The following NBEA variants were observed in gnomAD, a reference collection of about 807,000 sequenced individuals.
NBEA encodes the protein neurobeachin, also known as lysosomal-trafficking regulator 2.
A neutral mutation model predicts 343.4 loss-of-function variants in NBEA; 44 were observed. The observed-to-expected ratio is 0.13, with a 90% CI of 0.10 to 0.16. The LOEUF (loss-of-function observed/expected upper bound fraction) is 0.16. Among genes scored for constraint, NBEA ranks in the 10% least tolerant of loss-of-function variants. The pLI is 1.00. For synonymous variants in NBEA, 1,175 were observed against 1,238.7 expected (o/e 0.95, Z 1.08); for missense variants, 2,555 against 3,631.3 (o/e 0.70, Z 7.62).
chr13:35,500,730 T>G (rs2076856429), intron 41 of NBEA, among the ~76,000 whole-genome samples: 1 of 125,848 alleles, frequency 7.9e-6, no homozygotes, highest in Non-Finnish European at 1.7e-5. Context: ...TTTTTTTTTT[T>G]GAAAACATAA....
At chr13:35,170,867 G>A (rs1196523892) in intron 25 of NBEA, among the ~76,000 whole-genome samples, 3 of 151,642 alleles carry the variant, frequency 2.0e-5, no homozygotes, top group Non-Finnish European at 4.4e-5. Flanking sequence ...AAAAATCAAA[G>A]CATATATTTT....
chr13:35,479,914 G>GA (rs905835784), intron 41 of NBEA, among the ~76,000 whole-genome samples: 1 of 151,586 alleles, frequency 6.6e-6, no homozygotes, highest in Non-Finnish European at 1.5e-5. Context: ...CTAATTGAAG[G>GA]AAAAAAATCT....
At position 35,671,199 on chromosome 13, in the gene NBEA, A is replaced by G; in HGVS notation, c.*208A>G. ...ACACCAGCTGCTATCAAGCAAGCTT[A>G]TATCATGTAAATTATATGAATTAGG... On this transcript the variant is annotated 3_prime_UTR_variant, in exon 59 of 59. Coordinates refer to ENST00000379939, the MANE Select transcript of NBEA (RefSeq NM_001385012.1). The G allele has an allele frequency of 4.1e-6, 2 of 489,962 alleles. No homozygotes were observed. The highest frequency in any genetic ancestry group is 3.7e-6 in the Non-Finnish European group (1 of 271,972). 30.4% of individuals were successfully genotyped at this position (489,962 alleles called of 1,614,324 possible).
chr13:35,384,494 C>T (rs1402722682), intron 38 of NBEA, among the ~76,000 whole-genome samples: 6 of 151,664 alleles, frequency 4.0e-5, no homozygotes, highest in Admixed American at 2.0e-4. Flanking sequence ...AAAATGCATC[C>T]CATCAGCATC....
chr13:35,419,277 T>C (rs949151330), intron 38 of NBEA, among the ~76,000 whole-genome samples: 17 of 151,978 alleles, frequency 1.1e-4, no homozygotes, highest in Non-Finnish European at 2.2e-4. Flanking sequence ...GATTTGGTGT[T>C]TCGTGAGGGC....
At chr13:35,154,927 A>G (rs2069054008) in intron 18 of NBEA, among the ~76,000 whole-genome samples, 1 of 151,196 alleles carries the variant, frequency 6.6e-6, no homozygotes, top group South Asian at 2.1e-4. Context: ...GGAGTTCAAG[A>G]TGAGCCTGGG....
At chr13:34,965,148 T>C (rs1175510601) in intron 1 of NBEA, among the ~76,000 whole-genome samples, 1 of 152,044 alleles carries the variant, frequency 6.6e-6, no homozygotes, top group Non-Finnish European at 1.5e-5. Context: ...TAAACATACT[T>C]GTATTTCTAG....
chr13:35,239,712 A>G (rs193071968), intron 34 of NBEA, among the ~76,000 whole-genome samples: 2 of 152,110 alleles, frequency 1.3e-5, no homozygotes, highest in African/African-American at 4.8e-5. Context: ...TGTATACTAT[A>G]CTAGTAGCCC....
chr13:35,306,769 T>C (rs2036919709), intron 35 of NBEA, among the ~76,000 whole-genome samples: 1 of 152,130 alleles, frequency 6.6e-6, no homozygotes, highest in Admixed American at 6.6e-5. Context: ...TATAATATTC[T>C]GCTTCTGTTC....
At chr13:35,528,331 C>T (rs577600306) in intron 41 of NBEA, among the ~76,000 whole-genome samples, 72 of 152,260 alleles carry the variant, frequency 4.7e-4, no homozygotes, top group Non-Finnish European at 9.4e-4. Flanking sequence ...ATAAAGAAGA[C>T]ATTCGTTTAA....
At chr13:35,574,912 G>C (rs146377996) in intron 45 of NBEA, among the ~76,000 whole-genome samples, 2 of 152,036 alleles carry the variant, frequency 1.3e-5, no homozygotes, top group Non-Finnish European at 2.9e-5. Context: ...ACCACGCCTG[G>C]CTAATTTTTG....
At chr13:35,655,878 A>T (rs2153082140) in intron 55 of NBEA, 129 bp downstream of exon 55, 2 of 749,984 alleles carry the variant, frequency 2.7e-6, no homozygotes. Context: ...AAGTGGCCAA[A>T]ATCTGTACTG....
intron 38 of NBEA, among the ~76,000 whole-genome samples, chr13:35,358,195 T>A (rs554030896): frequency 6.6e-6 from 1 of 151,758 alleles, no homozygotes; most frequent in African/African-American, 2.4e-5. Flanking sequence ...CTAATTTTTT[T>A]ATATTTTTGG....
chr13:35,037,151 C>A (rs1328370139), intron 1 of NBEA, among the ~76,000 whole-genome samples: 1 of 152,146 alleles, frequency 6.6e-6, no homozygotes, highest in Non-Finnish European at 1.5e-5. Flanking sequence ...TTAATTCTTT[C>A]CTCTGGTTGT....
At chr13:35,232,442 C>A in intron 33 of NBEA, 50 bp from the exon 34 acceptor site, 1 of 1,195,196 alleles carries the variant, frequency 8.4e-7, no homozygotes, top group Non-Finnish European at 1.2e-6. Context: ...GTTTATTTGA[C>A]ATTTTATATT....
chr13:35,235,770 TGA>T (rs748648024), intron 34 of NBEA, among the ~76,000 whole-genome samples: 4 of 152,206 alleles, frequency 2.6e-5, no homozygotes, highest in Non-Finnish European at 5.9e-5. Flanking sequence ...ATTGAGTAAT[TGA>T]GAGTTATTTT....
chr13:35,541,223 C>T (rs2078807772), intron 41 of NBEA, among the ~76,000 whole-genome samples: 1 of 151,516 alleles, frequency 6.6e-6, no homozygotes, highest in African/African-American at 2.4e-5. Context: ...TCTTTACATA[C>T]ATGTTTACAT....
intron 1 of NBEA, among the ~76,000 whole-genome samples, chr13:35,022,726 A>T (rs992621777): frequency 6.6e-5 from 10 of 152,118 alleles, no homozygotes; most frequent in African/African-American, 1.9e-4. Flanking sequence ...TTAAATTCTG[A>T]TGCTAACACT....
chr13:35,509,884 G>T (rs1482706737), intron 41 of NBEA, among the ~76,000 whole-genome samples: 1 of 152,154 alleles, frequency 6.6e-6, no homozygotes, highest in Non-Finnish European at 1.5e-5. Context: ...TCAGCAGATT[G>T]TCAAGGGCTT....
Sources: allele counts gnomAD v4.1 joint callset (sites outside exome capture counted in the v4.1 genomes callset), GRCh38; gene constraint gnomAD v4.1.1; transcripts MANE v1.5; gene names NCBI Gene and HGNC (gene_info 2026-07-23, HGNC 2026-07-21).